SLC4A4: variants seen among roughly 807,000 people sequenced by gnomAD.
The protein encoded by SLC4A4 is electrogenic sodium bicarbonate cotransporter 1.
In SLC4A4, 27 loss-of-function variants were observed where a neutral mutation model predicts 111.5. That is an observed-to-expected ratio of 0.24 (90% CI 0.18 to 0.33). The LOEUF is 0.33. Ranked by LOEUF, SLC4A4 falls within the 10% of genes least tolerant of loss-of-function variation. The probability of loss-of-function intolerance (pLI) is 1.00; values close to 1 mark genes in which losing one functional copy is unlikely to be tolerated. For synonymous variants in SLC4A4, 443 were observed against 463.4 expected (o/e 0.96, Z 0.57); for missense variants, 909 against 1,315.5 (o/e 0.69, Z 4.78).
chr4:71,307,121 C>T (rs1037802136), intron 3 of SLC4A4, among the ~76,000 whole-genome samples: 1 of 152,034 alleles, frequency 6.6e-6, no homozygotes, highest in African/African-American at 2.4e-5. Context: ...AAATGGGTGG[C>T]AATTACTTAA....
intron 1 of SLC4A4, among the ~76,000 whole-genome samples, chr4:71,211,695 C>A (rs561331960): frequency 1.3e-4 from 20 of 151,756 alleles, no homozygotes; most frequent in Non-Finnish European, 2.4e-4. Flanking sequence ...GAAGATGGAA[C>A]ATTTGACAAT....
intron 3 of SLC4A4, among the ~76,000 whole-genome samples, chr4:71,290,730 C>A (rs1724277999): frequency 6.6e-6 from 1 of 152,124 alleles, no homozygotes; most frequent in South Asian, 2.1e-4. Flanking sequence ...ATTATACAAA[C>A]CCATCAGGTG....
chr4:71,110,626 G>A (rs74944560), intron 2 of SLC4A4, among the ~76,000 whole-genome samples: 4,238 of 152,230 alleles, frequency 0.028, 78 homozygotes, highest in Middle Eastern at 0.058. Flanking sequence ...TCGTAGGGCA[G>A]GCATATCTAA....
rs188435055 is a variant in SLC4A4, at chr4:71,091,677, A to C, written c.-64-1053A>C. Among the ~76,000 whole-genome samples the C allele has an allele frequency of 5.7e-3, 864 of 152,270 alleles. 2 individuals are homozygous for C. Among genetic ancestry groups the C allele is most frequent in the Non-Finnish European group, 7.0e-3 (479 of 68,034 alleles). On this transcript the variant is annotated intron_variant, in intron 1 of 26. Transcript: ENST00000649996. ...ACTCACAATCAGCGTTTCTATGGAC[A>C]TTCTGAAAATTTAACTTCTTTCACA... is the stretch of plus-strand genomic sequence containing the variant.
At chr4:71,424,735 G>C (rs374333700) in intron 7 of SLC4A4, among the ~76,000 whole-genome samples, 1 of 151,886 alleles carries the variant, frequency 6.6e-6, no homozygotes, top group East Asian at 1.9e-4. Context: ...GTAAACTATC[G>C]CAAGAACAAA....
At position 71,303,094 on chromosome 4, in the gene SLC4A4, A is replaced by G. The variant is rs147369897; in HGVS notation, c.254-36276A>G. 2.0e-4 allele frequency among the ~76,000 whole-genome samples: 31 copies of G among 152,178 alleles called. No homozygotes were observed. The East Asian group carries it at 5.6e-3, about 28-fold the overall frequency. ...CATAAAGTAATTTCCATCAGACCTC[A>G]TTTTCCTCTGCTTTAGTCTCTTCTG... On this transcript the variant is annotated intron_variant, in intron 3 of 25. Transcript: ENST00000264485.
chr4:71,071,926 A>G (rs1033254162), intron 1 of SLC4A4, among the ~76,000 whole-genome samples: 2 of 152,210 alleles, frequency 1.3e-5, no homozygotes, highest in African/African-American at 4.8e-5. Flanking sequence ...TTCTGAGTTA[A>G]AGGCATGTAC....
At chr4:71,541,547 GCCT>G (rs1164131977) in intron 18 of SLC4A4, among the ~76,000 whole-genome samples, 4 of 152,152 alleles carry the variant, frequency 2.6e-5, no homozygotes, top group Non-Finnish European at 5.9e-5. Flanking sequence ...ATCCCTGAGG[GCCT>G]CCTCAGAGTT....
intron 2 of SLC4A4, among the ~76,000 whole-genome samples, chr4:71,178,283 A>G (rs996050685): frequency 7.7e-6 from 1 of 129,648 alleles, no homozygotes; most frequent in Admixed American, 7.3e-5. Context: ...CTTAAAGTAT[A>G]AAAAAAAAAG....
At chr4:71,450,710 T>G (rs1191443897) in intron 10 of SLC4A4, among the ~76,000 whole-genome samples, 167 bp downstream of exon 10, 1 of 152,240 alleles carries the variant, frequency 6.6e-6, no homozygotes, top group Non-Finnish European at 1.5e-5. Context: ...GTTTCACGTT[T>G]CCTTGGCATT....
intron 3 of SLC4A4, among the ~76,000 whole-genome samples, chr4:71,323,420 A>G (rs1001972905): frequency 3.3e-5 from 5 of 152,038 alleles, no homozygotes; most frequent in Non-Finnish European, 7.4e-5. Context: ...TATTCACTAA[A>G]GGAAGGATCT....
chr4:71,108,963 C>A (rs1743018040), intron 2 of SLC4A4, among the ~76,000 whole-genome samples: 1 of 151,972 alleles, frequency 6.6e-6, no homozygotes, highest in South Asian at 2.1e-4. Flanking sequence ...TCTAGTTGAT[C>A]TGCCATTAGG....
chr4:71,063,795 T>C (rs1478196655), intron 1 of SLC4A4, among the ~76,000 whole-genome samples: 1 of 152,130 alleles, frequency 6.6e-6, no homozygotes, highest in African/African-American at 2.4e-5. Flanking sequence ...TAGGAAAAGG[T>C]ATGGATATAG....
chr4:71,220,429 G>A (rs1417068413), intron 1 of SLC4A4, among the ~76,000 whole-genome samples: 1 of 152,062 alleles, frequency 6.6e-6, no homozygotes, highest in Non-Finnish European at 1.5e-5. Context: ...TTGTGGTGGA[G>A]TGGAACCGAA....
At chr4:71,485,855 A>G (rs971014468) in intron 14 of SLC4A4, among the ~76,000 whole-genome samples, 6 of 151,654 alleles carry the variant, frequency 4.0e-5, no homozygotes, top group African/African-American at 1.4e-4. Flanking sequence ...GTTCCTGTTA[A>G]GAGCTACACT....
chr4:71,122,403 G>C (rs1000117095), intron 2 of SLC4A4, among the ~76,000 whole-genome samples: 4 of 151,984 alleles, frequency 2.6e-5, no homozygotes, highest in Non-Finnish European at 5.9e-5. Context: ...GCTGTTGTTG[G>C]CTGCCAGAAA....
chr4:71,105,876 T>A (rs1459690189), intron 2 of SLC4A4, among the ~76,000 whole-genome samples: 1 of 143,710 alleles, frequency 7.0e-6, no homozygotes, highest in Non-Finnish European at 1.5e-5. Context: ...GGACTTCATG[T>A]CTAAAACACC....
At chr4:71,115,371 AAC>A (rs1232891369) in intron 2 of SLC4A4, among the ~76,000 whole-genome samples, 1 of 152,098 alleles carries the variant, frequency 6.6e-6, no homozygotes, top group Non-Finnish European at 1.5e-5. Context: ...AAAAGAAGGA[AAC>A]ACACAAACAA....
rs576374705 is a variant in SLC4A4, at chr4:71,081,847, G to C, written c.-64-10883G>C. Among the ~76,000 whole-genome samples the C allele has an allele frequency of 3.5e-4, 53 of 152,134 alleles. No homozygotes were observed. The South Asian group carries it at 3.9e-3, about 11-fold the overall frequency. On this transcript the variant is annotated intron_variant, in intron 1 of 26. Transcript: ENST00000649996. ...ATAGAATGTTTGTTTCTTTGCTTTT[G>C]GGAGTGGTGGGAAGGCTTGTGCCCC...
Sources: gnomAD v4.1 joint callset for allele counts (sites outside exome capture counted in the v4.1 genomes callset) on GRCh38, gnomAD v4.1.1 for gene constraint, MANE v1.5 for transcripts, NCBI Gene and HGNC (gene_info 2026-07-23, HGNC 2026-07-21) for gene names.